The following GPC5 variants were observed in gnomAD, a reference collection of about 807,000 sequenced individuals.
GPC5 encodes the protein glypican 5, also known as glypican-5.
GPC5 carries 47 observed loss-of-function variants against 53.9 expected under a neutral mutation model. The observed-to-expected ratio is 0.87, with a 90% CI of 0.69 to 1.11. The LOEUF is 1.11. Among genes scored for constraint, GPC5 ranks in the 50% most tolerant of loss-of-function variants. The pLI is 0.00. For synonymous variants in GPC5, 286 were observed against 263.3 expected, an observed-to-expected ratio of 1.09 and a Z score of -0.84; for missense variants, 748 against 713.1, an observed-to-expected ratio of 1.05 and a Z score of -0.56.
intron 7 of GPC5, among the ~76,000 whole-genome samples, chr13:92,184,873 CAAAG>C (rs1485615139): frequency 3.3e-5 from 5 of 152,022 alleles, no homozygotes; most frequent in Admixed American, 3.3e-4. Flanking sequence ...CAAAACTAAA[CAAAG>C]AAATTTACAA....
chr13:92,125,923 GGTTTTTTTTTT>G (rs2041691505), intron 6 of GPC5, among the ~76,000 whole-genome samples: 3 of 41,536 alleles, frequency 7.2e-5, no homozygotes, highest in African/African-American at 2.2e-4. Context: ...TTTGTTTTTT[GGTTTTTTTTTT>G]TTTTTTTTTT....
chr13:92,464,962 A>C (rs532044296), intron 7 of GPC5, among the ~76,000 whole-genome samples: 1 of 151,956 alleles, frequency 6.6e-6, no homozygotes, highest in African/African-American at 2.4e-5. Context: ...AAAACTAAAC[A>C]TAATGAAAGA....
rs562726720 is a variant in GPC5 at position 91,478,881 on chromosome 13, T to TTTTATA, written c.325+29960_325+29961insTTATAT. ...ATATACACACACATATATATACACATTATATATATATATATATATATGCAC... is the reference window on the plus strand; with the variant it reads ...ATATACACACACATATATATACACATTTTATATATATATATATATATATATATGCAC... On this transcript the variant is annotated intron_variant, in intron 2 of 7. Transcript: ENST00000377067. 1.6e-4 allele frequency among the ~76,000 whole-genome samples: 11 copies of TTTTATA among 67,498 alleles called. 1 individual carries two copies. The highest frequency in any genetic ancestry group is 3.9e-4 in the Admixed American group (2 of 5,074). 44.3% of individuals were successfully genotyped at this position (67,498 alleles called of 152,430 possible).
chr13:92,735,422 C>A (rs1888910714), intron 7 of GPC5, among the ~76,000 whole-genome samples: 1 of 151,854 alleles, frequency 6.6e-6, no homozygotes. Context: ...ATTAAGTGAA[C>A]TTTATTTAAA....
intron 7 of GPC5, among the ~76,000 whole-genome samples, chr13:92,367,293 T>C (rs549314787): frequency 6.6e-6 from 1 of 152,336 alleles, no homozygotes; most frequent in Admixed American, 6.5e-5. Flanking sequence ...ATGATCTTAA[T>C]ATTACATGCA....
intron 5 of GPC5, among the ~76,000 whole-genome samples, chr13:91,856,838 T>C (rs2038972532): frequency 6.6e-6 from 1 of 151,462 alleles, no homozygotes; most frequent in African/African-American, 2.4e-5. Flanking sequence ...AAATATTTCT[T>C]GAAGATGGGG....
chr13:92,063,585 G>A (rs1004007004), intron 6 of GPC5, among the ~76,000 whole-genome samples: 3 of 151,776 alleles, frequency 2.0e-5, no homozygotes, highest in South Asian at 2.1e-4. Flanking sequence ...ACCAAGAGAG[G>A]GTTTTGAAAA....
In GPC5 at chr13:92,616,896, G is replaced by A. The variant is rs145170167; in HGVS notation, c.1562-249386G>A. Among the ~76,000 whole-genome samples the A allele has an allele frequency of 4.5e-3, 689 of 151,868 alleles. 8 individuals are homozygous for A. The highest frequency in any genetic ancestry group is 0.016 in the African/African-American group (646 of 41,426). ...ATTTTCTTAAACCCTCTCTAAGGCC[G>A]TGAAAGATAAAATACACAAAATATT... On this transcript the variant is annotated intron_variant, in intron 7 of 7. Transcript: ENST00000377067.
intron 6 of GPC5, among the ~76,000 whole-genome samples, chr13:92,072,962 A>T (rs550321667): frequency 1.3e-5 from 2 of 152,274 alleles, no homozygotes; most frequent in East Asian, 3.9e-4. Context: ...TATTAAACTT[A>T]ATAAAATTTA....
chr13:92,492,223 T>G (rs1879790863), intron 7 of GPC5, among the ~76,000 whole-genome samples: 1 of 152,194 alleles, frequency 6.6e-6, no homozygotes, highest in Admixed American at 6.5e-5. Flanking sequence ...GTTGTGATTT[T>G]TAATTTAAAA....
chr13:91,943,481 A>C (rs1358531680), intron 6 of GPC5, among the ~76,000 whole-genome samples: 1 of 152,152 alleles, frequency 6.6e-6, no homozygotes, highest in African/African-American at 2.4e-5. Flanking sequence ...GCTTTGTATA[A>C]GATGGAATTG....
chr13:92,588,847 C>A (rs1306763969), intron 7 of GPC5, among the ~76,000 whole-genome samples: 1 of 152,118 alleles, frequency 6.6e-6, no homozygotes, highest in Non-Finnish European at 1.5e-5. Flanking sequence ...AATAAAAATA[C>A]TGCTTTGATC....
intron 7 of GPC5, among the ~76,000 whole-genome samples, chr13:92,698,945 G>C (rs1566370065): frequency 1.3e-5 from 2 of 152,072 alleles, no homozygotes; most frequent in South Asian, 4.1e-4. Context: ...GATGATGCTG[G>C]TCTCATCAAA....
intron 7 of GPC5, among the ~76,000 whole-genome samples, chr13:92,498,080 A>C (rs1220867753): frequency 6.6e-6 from 1 of 151,928 alleles, no homozygotes; most frequent in Non-Finnish European, 1.5e-5. Context: ...AATACTCTTT[A>C]TTTCTTTCTC....
chr13:92,305,461 T>C (rs1466689804), intron 7 of GPC5, among the ~76,000 whole-genome samples: 1 of 152,166 alleles, frequency 6.6e-6, no homozygotes, highest in African/African-American at 2.4e-5. Context: ...CTACCCTTTT[T>C]TTTAAATTGG....
Position 92,866,364 on chromosome 13 carries a change from A to G in GPC5, c.1644A>G (p.Ala548=). The change falls in exon 8 of 8, where the codon GCA becomes GCG. Residue 548 remains alanine, a synonymous_variant. Transcript: ENST00000377067. ...DTGSTLDTTG[A]GCAVATESMT... Reference sequence around the variant, plus strand: ...GCAGTACTTTAGACACAACAGGAGCAGGATGTGCAGTGGCGACTGAATCTA... The same window carrying G: ...GCAGTACTTTAGACACAACAGGAGCGGGATGTGCAGTGGCGACTGAATCTA... 1 of 1,613,212 alleles carries G rather than the reference A, an allele frequency of 6.2e-7. No homozygotes were observed. Among genetic ancestry groups the G allele is most frequent in the East Asian group, 2.2e-5 (1 of 44,836 alleles).
Position 92,119,390 on chromosome 13 carries a change from GTTTTTTTT to G in GPC5, c.1402-25422_1402-25415del, listed in dbSNP as rs386380215. Reference sequence around the variant, plus strand: ...TATATACATTCACATTAGGATTTTAGTTTTTTTTTTTTTTTTTTTTTTTTTGGAGACAG... The same window carrying G: ...TATATACATTCACATTAGGATTTTAGTTTTTTTTTTTTTTTTTGGAGACAG... On this transcript the variant is annotated intron_variant, in intron 6 of 7. Coordinates refer to ENST00000377067, the MANE Select transcript of GPC5 (RefSeq NM_004466.6). 9.1e-5 allele frequency among the ~76,000 whole-genome samples: 6 copies of G among 65,672 alleles called. 1 individual carries two copies. In the South Asian group the frequency reaches 2.6e-3, roughly 29 times the overall value. 43.1% of individuals were successfully genotyped at this position (65,672 alleles called of 152,430 possible).
At chr13:92,045,392 A>C in intron 6 of GPC5, among the ~76,000 whole-genome samples, 1 of 152,058 alleles carries the variant, frequency 6.6e-6, no homozygotes, top group Non-Finnish European at 1.5e-5. Flanking sequence ...CTATCACATC[A>C]CTCCTACCAA....
intron 6 of GPC5, among the ~76,000 whole-genome samples, chr13:92,073,764 T>C (rs2041231501): frequency 1.3e-5 from 2 of 152,220 alleles, no homozygotes; most frequent in Admixed American, 6.5e-5. Context: ...AAGTCAGTTG[T>C]AGCCCTGTAT....
Sources: allele counts gnomAD v4.1 joint callset (sites outside exome capture counted in the v4.1 genomes callset), GRCh38; gene constraint gnomAD v4.1.1; transcripts MANE v1.5; gene names NCBI Gene and HGNC (gene_info 2026-07-23, HGNC 2026-07-21).